The following LINGO2 variants were observed in gnomAD, a reference collection of about 807,000 sequenced individuals.
LINGO2 encodes leucine-rich repeat and immunoglobulin-like domain-containing nogo receptor-interacting protein 2.
LINGO2 carries 14 observed loss-of-function variants against 30.6 expected under a neutral mutation model. The ratio of observed to expected loss-of-function variants is 0.46; its 90% confidence interval spans 0.30 to 0.72. LINGO2 has a LOEUF of 0.72. Ranked by LOEUF, LINGO2 falls within the 30% of genes least tolerant of loss-of-function variation. The pLI, the probability that LINGO2 is intolerant of heterozygous loss-of-function variation, is 0.07. For missense variants in LINGO2, 729 were observed against 751.7 expected (o/e 0.97, Z 0.35); for synonymous variants, 317 against 288.5 (o/e 1.10, Z -1.00).
chr9:28,383,254 T>TTCTG (rs1554714265), intron 2 of LINGO2, among the ~76,000 whole-genome samples: 2 of 73,638 alleles, frequency 2.7e-5, no homozygotes, highest in East Asian at 5.2e-4. Flanking sequence ...TCACCATTCA[T>TTCTG]TGTGTGTGTG....
chr9:28,618,081 T>C (rs988665890), intron 1 of LINGO2, among the ~76,000 whole-genome samples: 1 of 152,124 alleles, frequency 6.6e-6, no homozygotes, highest in Admixed American at 6.5e-5. Context: ...ACGCAGGAGC[T>C]CAAGAGCTCA....
At chr9:28,795,983 TACACACACACACACACAC>T in the LINGO2 span, among the ~76,000 whole-genome samples, 3 of 138,164 alleles carry the variant, frequency 2.2e-5, no homozygotes, top group African/African-American at 8.3e-5. Flanking sequence ...CAGTACTAGA[TACACACACACACACACAC>T]ACACACACAC....
At chr9:28,403,426 G>T (rs1822354438) in intron 2 of LINGO2, among the ~76,000 whole-genome samples, 1 of 152,076 alleles carries the variant, frequency 6.6e-6, no homozygotes. Flanking sequence ...TTCTCTTCAG[G>T]TCTGACAGCT....
rs541069043 is a variant in LINGO2 at position 28,548,689 on chromosome 9, C to T, written c.-364-72664G>A. The stretch of plus-strand genomic sequence containing the variant: ...ACTGCACTCCAGCCTGGCAACAGAG[C>T]GAGACTCCATCTCAAAAAAAAAAAA... On this transcript the variant is annotated intron_variant, in intron 1 of 5. Coordinates refer to ENST00000379992, the Ensembl canonical transcript of LINGO2. Among the ~76,000 whole-genome samples the T allele has an allele frequency of 6.5e-4, 70 of 106,980 alleles. No individual in the cohort carries two copies. The East Asian group carries it at 0.016, about 24-fold the overall frequency. 70.2% of individuals were successfully genotyped at this position (106,980 alleles called of 152,430 possible). A position where few individuals can be genotyped will look rare whatever the true frequency, so the allele number is the denominator to read the frequency against.
At chr9:28,283,032 G>C (rs1481666354) in intron 4 of LINGO2, among the ~76,000 whole-genome samples, 1 of 152,068 alleles carries the variant, frequency 6.6e-6, no homozygotes. Flanking sequence ...CTTGCAAAAT[G>C]TATTTGGCTA....
At chr9:28,274,016 C>T (rs1375154944) in intron 4 of LINGO2, among the ~76,000 whole-genome samples, 2 of 152,114 alleles carry the variant, frequency 1.3e-5, no homozygotes, top group African/African-American at 2.4e-5. Context: ...CTTAAGAGAC[C>T]ATTATATCAA....
In LINGO2 at chr9:28,535,818, A is replaced by G. The variant is rs1477812277; in HGVS notation, c.-364-59793T>C. 3.3e-5 allele frequency among the ~76,000 whole-genome samples: 5 copies of G among 152,330 alleles called. No homozygotes were observed. In the South Asian group the frequency reaches 1.0e-3, roughly 32 times the overall value. On this transcript the variant is annotated intron_variant, in intron 1 of 5. Transcript: ENST00000379992. ...CAGGCATAGAACAATAGGAGAAGAC[A>G]AATGCAGAAGAAGAAAGGTTACTGA...
the LINGO2 span, among the ~76,000 whole-genome samples, chr9:28,706,079 C>T: frequency 6.6e-6 from 1 of 152,046 alleles, no homozygotes; most frequent in Admixed American, 6.6e-5. Context: ...CTTCTGTATA[C>T]CATTGATTTT....
the LINGO2 span, among the ~76,000 whole-genome samples, chr9:29,117,331 A>G: frequency 6.6e-6 from 1 of 152,178 alleles, no homozygotes; most frequent in African/African-American, 2.4e-5. Flanking sequence ...CCCGATTGTT[A>G]GTATTTGCCC....
the LINGO2 span, among the ~76,000 whole-genome samples, chr9:29,160,935 G>A: frequency 6.6e-6 from 1 of 152,246 alleles, no homozygotes; most frequent in Admixed American, 6.5e-5. Context: ...ATTGTCTGCA[G>A]AAGGTATAAA....
the LINGO2 span, among the ~76,000 whole-genome samples, chr9:29,178,144 C>T: frequency 6.6e-6 from 1 of 151,948 alleles, no homozygotes; most frequent in Non-Finnish European, 1.5e-5. Context: ...GAACCTCCGC[C>T]TCCTGGGTCC....
At chr9:28,069,363 T>C (rs1045173269) in intron 4 of LINGO2, among the ~76,000 whole-genome samples, 1 of 152,146 alleles carries the variant, frequency 6.6e-6, no homozygotes, top group Non-Finnish European at 1.5e-5. Context: ...AGCATAGACA[T>C]ACTATGAATG....
the LINGO2 span, among the ~76,000 whole-genome samples, chr9:29,020,752 G>T: frequency 1.3e-5 from 2 of 152,038 alleles, no homozygotes; most frequent in Non-Finnish European, 1.5e-5. Flanking sequence ...GAAAGGAAGG[G>T]AAATAAGAGT....
intron 1 of LINGO2, among the ~76,000 whole-genome samples, chr9:28,560,539 A>T (rs950440432): frequency 9.2e-5 from 14 of 151,990 alleles, no homozygotes; most frequent in Non-Finnish European, 2.1e-4. Context: ...TACACATCCT[A>T]TTGATTGTCT....
chr9:28,873,607 GC>G, the LINGO2 span, among the ~76,000 whole-genome samples: 1 of 152,142 alleles, frequency 6.6e-6, no homozygotes, highest in African/African-American at 2.4e-5. Flanking sequence ...GTTTATGAAG[GC>G]TGTTGGTTGT....
intron 4 of LINGO2, among the ~76,000 whole-genome samples, chr9:28,197,133 C>G (rs928242019): frequency 1.3e-5 from 2 of 151,934 alleles, no homozygotes; most frequent in East Asian, 3.9e-4. Flanking sequence ...ATCATTACAC[C>G]TTGCATACTT....
At chr9:28,495,857 T>C (rs1250813679) in intron 1 of LINGO2, among the ~76,000 whole-genome samples, 15 of 152,214 alleles carry the variant, frequency 9.9e-5, no homozygotes, top group Admixed American at 9.8e-4. Context: ...TGGTATATTG[T>C]GTCTTTGTTC....
intron 4 of LINGO2, among the ~76,000 whole-genome samples, chr9:28,065,822 T>G (rs1254418663): frequency 1.3e-5 from 2 of 152,064 alleles, no homozygotes; most frequent in Non-Finnish European, 2.9e-5. Flanking sequence ...AGAATGAGAA[T>G]GATGGTGGCA....
chr9:29,086,566 C>A, the LINGO2 span, among the ~76,000 whole-genome samples: 5 of 151,744 alleles, frequency 3.3e-5, no homozygotes, highest in Admixed American at 2.0e-4. Context: ...AATGTTTCTA[C>A]GTAAAGTCTA....
Sources: allele counts gnomAD v4.1 joint callset (sites outside exome capture counted in the v4.1 genomes callset), GRCh38; gene constraint gnomAD v4.1.1; transcripts MANE v1.5; gene names NCBI Gene and HGNC (gene_info 2026-07-23, HGNC 2026-07-21).